The following KAZN variants were observed in gnomAD, a reference collection of about 807,000 sequenced individuals.
KAZN encodes the protein kazrin, periplakin interacting protein, also known as kazrin.
In KAZN, 40 loss-of-function variants were observed where a neutral mutation model predicts 87.4. That is an observed-to-expected ratio of 0.46 (90% CI 0.36 to 0.60). The LOEUF (loss-of-function observed/expected upper bound fraction) is 0.60, where lower values mean the gene tolerates loss of function less well. Ranked by LOEUF, KAZN falls within the 20% of genes least tolerant of loss-of-function variation. KAZN has a pLI of 0.00. For missense variants in KAZN, 898 were observed against 1,073.9 expected (o/e 0.84, Z 2.29); for synonymous variants, 466 against 458.3 (o/e 1.02, Z -0.22).
intron 2 of KAZN, among the ~76,000 whole-genome samples, chr1:14,998,602 G>C (rs1423728928): frequency 6.6e-6 from 1 of 152,144 alleles, no homozygotes; most frequent in Non-Finnish European, 1.5e-5. Context: ...AGGCTGGAGT[G>C]CAGTGGTGCC....
At chr1:15,112,178 T>A in intron 13 of KAZN, 1 of 547,194 alleles carries the variant, frequency 1.8e-6, no homozygotes, top group Non-Finnish European at 3.3e-6. Context: ...GGCAAATTGC[T>A]TGCTGTCTCT....
At chr1:14,471,983 T>C (rs1408373088) in intron 2 of KAZN, among the ~76,000 whole-genome samples, 1 of 152,196 alleles carries the variant, frequency 6.6e-6, no homozygotes, top group Non-Finnish European at 1.5e-5. Flanking sequence ...ATGTATTACT[T>C]ATTGTCCTGG....
intron 2 of KAZN, among the ~76,000 whole-genome samples, chr1:14,388,374 C>A (rs1484766191): frequency 6.6e-6 from 1 of 152,160 alleles, no homozygotes; most frequent in Admixed American, 6.5e-5. Flanking sequence ...TCATATGGAA[C>A]CACAAAAGAC....
intron 2 of KAZN, among the ~76,000 whole-genome samples, chr1:14,480,291 G>T (rs1668998861): frequency 6.6e-6 from 1 of 152,176 alleles, no homozygotes; most frequent in Non-Finnish European, 1.5e-5. Flanking sequence ...TATGCAGGTA[G>T]CTACAGCCAA....
intron 2 of KAZN, among the ~76,000 whole-genome samples, chr1:14,398,620 G>C (rs1663098297): frequency 6.6e-6 from 1 of 152,194 alleles, no homozygotes; most frequent in South Asian, 2.1e-4. Context: ...TCTTCAGCAG[G>C]AGATGGGCTC....
At position 13,893,757 on chromosome 1, in the gene KAZN, G is replaced by A. The variant is rs1557704455; in HGVS notation, c.91+1G>A. On this transcript the variant is annotated splice_donor_variant, in intron 1 of 16. Coordinates refer to the KAZN transcript ENST00000636203. LOFTEE classifies it high-confidence loss of function. Reference sequence around the variant, plus strand: ...CAGCAGTGCCAACTTATGCAAGCAGGTAGGAATTGCGTCGTGTGTCATGTG... The same window carrying A: ...CAGCAGTGCCAACTTATGCAAGCAGATAGGAATTGCGTCGTGTGTCATGTG... 9 of 1,550,506 alleles carry A rather than the reference G, an allele frequency of 5.8e-6. No individual in the cohort carries two copies. Among genetic ancestry groups the A allele is most frequent in the Non-Finnish European group, 7.0e-6 (8 of 1,146,966 alleles).
chr1:14,598,591 C>A, upstream of KAZN: 1 of 969,952 alleles, frequency 1.0e-6, no homozygotes, highest in Non-Finnish European at 1.3e-6. This position sits in a 1 kb window ranked among gnomAD's most constrained non-coding sequence, Gnocchi z 4.2. Flanking sequence ...GCGCGGGAGG[C>A]CAAGGGTGCC....
At chr1:14,610,659 GA>G (rs1677741439) in intron 1 of KAZN, among the ~76,000 whole-genome samples, 1 of 151,828 alleles carries the variant, frequency 6.6e-6, no homozygotes, top group South Asian at 2.1e-4. Flanking sequence ...GCCTAGATCT[GA>G]CAATGGCTCC....
At chr1:14,614,900 C>T (rs1478498040) in intron 1 of KAZN, among the ~76,000 whole-genome samples, 2 of 152,242 alleles carry the variant, frequency 1.3e-5, no homozygotes, top group Non-Finnish European at 2.9e-5. Flanking sequence ...TCTCTTAACA[C>T]TTCCTAGCTC....
chr1:14,689,662 T>G (rs1641169519), intron 1 of KAZN, among the ~76,000 whole-genome samples: 1 of 152,108 alleles, frequency 6.6e-6, no homozygotes, highest in Non-Finnish European at 1.5e-5. Context: ...AAGAAACAGG[T>G]GCACTACCCT....
intron 1 of KAZN, among the ~76,000 whole-genome samples, chr1:14,739,084 T>C (rs954861276): frequency 1.3e-5 from 2 of 151,868 alleles, no homozygotes; most frequent in African/African-American, 4.8e-5. Flanking sequence ...GAGGCTGAGG[T>C]AGGGGGATCA....
chr1:14,941,544 G>A (rs1661073915), intron 1 of KAZN, among the ~76,000 whole-genome samples: 1 of 151,472 alleles, frequency 6.6e-6, no homozygotes, highest in Non-Finnish European at 1.5e-5. Context: ...AGCCTGGGTT[G>A]GGGGGTGGGA....
At chr1:14,374,353 A>C (rs796828506) in intron 2 of KAZN, among the ~76,000 whole-genome samples, 126 of 152,264 alleles carry the variant, frequency 8.3e-4, no homozygotes, top group African/African-American at 2.8e-3. Context: ...AGCTGAATGA[A>C]CGAATGTTTG....
At chr1:14,722,160 A>G (rs200682294) in intron 1 of KAZN, among the ~76,000 whole-genome samples, 1 of 110,182 alleles carries the variant, frequency 9.1e-6, no homozygotes, top group South Asian at 3.8e-4. Context: ...CAAAAAAAAA[A>G]AAGAATAAAA....
intron 1 of KAZN, among the ~76,000 whole-genome samples, chr1:14,172,213 T>C (rs776567179): frequency 3.3e-5 from 5 of 152,202 alleles, no homozygotes; most frequent in African/African-American, 2.4e-5. Flanking sequence ...AAAGCATATA[T>C]ATGGTTCTTC....
At chr1:13,920,618 C>T (rs1468988221) in intron 1 of KAZN, among the ~76,000 whole-genome samples, 2 of 152,166 alleles carry the variant, frequency 1.3e-5, no homozygotes, top group African/African-American at 2.4e-5. Context: ...GGAGCCTTCT[C>T]TCTTACAAAG....
At chr1:14,896,998 C>T (rs1655347555) in intron 1 of KAZN, among the ~76,000 whole-genome samples, 1 of 152,028 alleles carries the variant, frequency 6.6e-6, no homozygotes, top group South Asian at 2.1e-4. Context: ...AACACCCAAG[C>T]CCAGCTGGCA....
chr1:14,036,702 A>T (rs993651673), intron 1 of KAZN, among the ~76,000 whole-genome samples: 1 of 152,120 alleles, frequency 6.6e-6, no homozygotes, highest in Non-Finnish European at 1.5e-5. Context: ...TAAAACAGGT[A>T]TTTAAATCAC....
At chr1:14,745,190 G>T (rs1212844393) in intron 1 of KAZN, among the ~76,000 whole-genome samples, 1 of 151,384 alleles carries the variant, frequency 6.6e-6, no homozygotes, top group Non-Finnish European at 1.5e-5. Flanking sequence ...CTGGACCTGG[G>T]AGTATACAGC....
Sources: allele counts gnomAD v4.1 joint callset (sites outside exome capture counted in the v4.1 genomes callset), GRCh38; gene constraint gnomAD v4.1.1; non-coding constraint Gnocchi (gnomAD v3.1); transcripts MANE v1.5; gene names NCBI Gene and HGNC (gene_info 2026-07-23, HGNC 2026-07-21).